WIPF1: variants seen among roughly 807,000 people sequenced by gnomAD.
WIPF1 encodes WAS/WASL interacting protein family member 1.
In WIPF1, 13 loss-of-function variants were observed where a neutral mutation model predicts 35.4. The ratio of observed to expected loss-of-function variants is 0.37; its 90% CI spans 0.24 to 0.58. The LOEUF is 0.58. Ranked by LOEUF, WIPF1 falls within the 20% of genes least tolerant of loss-of-function variation. WIPF1 has a pLI of 0.74. For missense variants in WIPF1, 591 were observed against 667.0 expected (o/e 0.89, Z 1.25); for synonymous variants, 267 against 266.3 (o/e 1.00, Z -0.02).
Position 174,562,525 on chromosome 2 carries a change from G to C in WIPF1, c.*22C>G, listed in dbSNP as rs751703807. 1.9e-6 allele frequency: 3 copies of C among 1,614,150 alleles called. No homozygotes were observed. The highest frequency in any genetic ancestry group is 2.7e-5 in the African/African-American group (2 of 75,052). Reference sequence around the variant, plus strand: ...GCAACAGAAGCAGCTCTTGAGCTTGGGTAGAGAAGAGCAGGCAAAGATCAC... The same window carrying C: ...GCAACAGAAGCAGCTCTTGAGCTTGCGTAGAGAAGAGCAGGCAAAGATCAC... On this transcript the variant is annotated 3_prime_UTR_variant, in exon 8 of 8. Transcript: ENST00000679041.
chr2:174,631,558 C>T (rs902576087), intron 1 of WIPF1, among the ~76,000 whole-genome samples: 7 of 152,132 alleles, frequency 4.6e-5, no homozygotes, highest in African/African-American at 1.2e-4. Flanking sequence ...ATATACTTAA[C>T]GCTACTGAAC....
chr2:174,564,190 C>T (rs1253258458), intron 7 of WIPF1, among the ~76,000 whole-genome samples: 1 of 152,152 alleles, frequency 6.6e-6, no homozygotes, highest in African/African-American at 2.4e-5. Context: ...AAACTTGGTA[C>T]TCGACGGTGC....
At chr2:174,608,233 C>T (rs1686235144) in intron 1 of WIPF1, among the ~76,000 whole-genome samples, 1 of 152,190 alleles carries the variant, frequency 6.6e-6, no homozygotes, top group African/African-American at 2.4e-5. Flanking sequence ...AGGCCCAGGA[C>T]TATCTAGAAA....
chr2:174,637,810 C>A (rs1048240955), intron 1 of WIPF1, among the ~76,000 whole-genome samples: 1 of 152,094 alleles, frequency 6.6e-6, no homozygotes, highest in African/African-American at 2.4e-5. Flanking sequence ...ACAAAAAAAA[C>A]CCACCATAAT....
At chr2:174,649,248 T>C (rs1251488548) in intron 1 of WIPF1, among the ~76,000 whole-genome samples, 1 of 152,222 alleles carries the variant, frequency 6.6e-6, no homozygotes, top group Non-Finnish European at 1.5e-5. Context: ...CATCTGTGTA[T>C]TGGGTACACA....
intron 1 of WIPF1, among the ~76,000 whole-genome samples, chr2:174,653,658 C>T (rs1002780278): frequency 6.8e-6 from 1 of 148,036 alleles, no homozygotes; most frequent in Non-Finnish European, 1.5e-5. Flanking sequence ...GGGAGAATGG[C>T]GTGAACCTGG....
intron 1 of WIPF1, chr2:174,676,311 CCTTCTT>C (rs1559180065): frequency 3.0e-5 from 4 of 131,828 alleles, no homozygotes; most frequent in African/African-American, 8.4e-5. Context: ...TTCCTCCCTC[CCTTCTT>C]TTTTTTTTTT....
intron 1 of WIPF1, chr2:174,655,688 T>C (rs1687625867): frequency 6.6e-6 from 1 of 152,186 alleles, no homozygotes; most frequent in African/African-American, 2.4e-5. Flanking sequence ...CCATGAAAAG[T>C]CCAGGCCTGG....
chr2:174,571,767 G>A lies in WIPF1; in HGVS notation c.1038C>T (p.Pro346=). Residue 346 remains proline (P), a synonymous_variant, in exon 5 of 8, where the codon CCC becomes CCT. Transcript: ENST00000679041. The surrounding 1 kb of genome is among the most constrained non-coding windows in gnomAD (Gnocchi z 4.6). ...QRNLSLSSST[P]PLPSPGRSGP... ...CTGAACGTCCTGGCGAAGGTAACGG[G>A]GGCGTGGACGAACTGAGGGACAGAT... 6.2e-7 allele frequency: 1 copy of A among 1,614,226 alleles called. No homozygotes were observed. The highest frequency in any genetic ancestry group is 8.5e-7 in the Non-Finnish European group (1 of 1,180,042).
rs2105808069 is a variant in WIPF1 at position 174,572,372 on chromosome 2, T to C, written c.433A>G (p.Ser145Gly). The change falls in exon 5 of 8, where the codon AGT becomes GGT. Residue 145 changes from serine (S) to glycine (G), a missense_variant. Coordinates refer to ENST00000679041, the MANE Select transcript of WIPF1 (RefSeq NM_001375834.1). ...GGCACAGGAAACCTCCCTGGGCCAC[T>C]TGGGGGTGAAAAGGGTTTCGCAGAT... ...STSAKPFSPP[S>G]GPGRFPVPSP... 6.2e-7 allele frequency: 1 copy of C among 1,614,000 alleles called. No homozygotes were observed. Among genetic ancestry groups the C allele is most frequent in the African/African-American group, 1.3e-5 (1 of 74,976 alleles).
At chr2:174,606,871 A>G (rs1686180313) in intron 1 of WIPF1, among the ~76,000 whole-genome samples, 1 of 152,204 alleles carries the variant, frequency 6.6e-6, no homozygotes, top group Non-Finnish European at 1.5e-5. Context: ...CTGTAACAGA[A>G]TACTGGCGAC....
chr2:174,604,930 C>T lies in WIPF1; in HGVS notation c.-38-19319G>A, dbSNP rs192358414. ...ATTAAAGCCTTGGGTTCCCTGGCTGCAGTGACTGGTTCAGAGACTACTTTT... is the reference window on the plus strand; with the variant it reads ...ATTAAAGCCTTGGGTTCCCTGGCTGTAGTGACTGGTTCAGAGACTACTTTT... On this transcript the variant is annotated intron_variant, in intron 1 of 8. Coordinates refer to the WIPF1 transcript ENST00000272746. 7.6e-4 allele frequency among the ~76,000 whole-genome samples: 115 copies of T among 152,184 alleles called. 1 individual carries two copies. Among genetic ancestry groups the T allele is most frequent in the Non-Finnish European group, 1.5e-3 (105 of 68,032 alleles).
At position 174,650,791 on chromosome 2, in the gene WIPF1, A is replaced by G. The variant is rs546390572; in HGVS notation, c.-39+31983T>C. 1.6e-4 allele frequency among the ~76,000 whole-genome samples: 25 copies of G among 152,368 alleles called. 1 individual carries two copies. The East Asian group carries it at 4.4e-3, about 27-fold the overall frequency. ...ATTCAATGTGCGCATGAGCTCTTTCAGAAGGCTGGGCAGTGAGGAATGCCC... is the reference window on the plus strand; with the variant it reads ...ATTCAATGTGCGCATGAGCTCTTTCGGAAGGCTGGGCAGTGAGGAATGCCC... On this transcript the variant is annotated intron_variant, in intron 1 of 8. Transcript: ENST00000272746.
chr2:174,571,764 C>T lies in WIPF1; in HGVS notation c.1041G>A (p.Pro347=), dbSNP rs1157916586. The change falls in exon 5 of 8, where the codon CCG becomes CCA. Residue 347 remains proline, a synonymous_variant. Transcript: ENST00000679041. This position sits in a 1 kb window ranked among gnomAD's most constrained non-coding sequence, Gnocchi z 4.6. The part of the protein sequence containing the change: ...RNLSLSSSTP[P]LPSPGRSGPL... The stretch of plus-strand genomic sequence containing the variant: ...GACCTGAACGTCCTGGCGAAGGTAA[C>T]GGGGGCGTGGACGAACTGAGGGACA... 2 of 1,614,000 alleles carry T rather than the reference C, an allele frequency of 1.2e-6. No individual in the cohort carries two copies. The highest frequency in any genetic ancestry group is 1.3e-5 in the African/African-American group (1 of 74,896).
chr2:174,667,681 T>C (rs1687921149), intron 1 of WIPF1, among the ~76,000 whole-genome samples: 1 of 152,212 alleles, frequency 6.6e-6, no homozygotes, highest in Non-Finnish European at 1.5e-5. Context: ...CACCTCAGCC[T>C]TTCCGGGAGG....
intron 2 of WIPF1, among the ~76,000 whole-genome samples, chr2:174,582,219 C>T (rs1473615352): frequency 6.6e-6 from 1 of 152,206 alleles, no homozygotes; most frequent in East Asian, 1.9e-4. Flanking sequence ...TTTAACATGT[C>T]TGATTATTTT....
intron 1 of WIPF1, among the ~76,000 whole-genome samples, chr2:174,619,233 A>G (rs1686604410): frequency 6.6e-6 from 1 of 152,154 alleles, no homozygotes; most frequent in African/African-American, 2.4e-5. Context: ...TTTTGAATCC[A>G]GTTTTTGTTA....
At chr2:174,677,135 G>A (rs1353950706) in intron 1 of WIPF1, 1 of 149,432 alleles carries the variant, frequency 6.7e-6, no homozygotes, top group African/African-American at 2.5e-5. Context: ...CTAGGTGACA[G>A]AGTGAGAAAC....
At chr2:174,679,467 CAAAA>C (rs202032725) in intron 1 of WIPF1, among the ~76,000 whole-genome samples, 3 of 107,540 alleles carry the variant, frequency 2.8e-5, no homozygotes, top group African/African-American at 9.8e-5. Context: ...AAATTTGTCT[CAAAA>C]AAAAAAAAAA....
Sources: gnomAD v4.1 joint callset for allele counts (sites outside exome capture counted in the v4.1 genomes callset) on GRCh38, gnomAD v4.1.1 for gene constraint, Gnocchi (gnomAD v3.1) non-coding constraint, MANE v1.5 for transcripts, NCBI Gene and HGNC (gene_info 2026-07-23, HGNC 2026-07-21) for gene names.